Variants in STAU2 observed in about 807,000 individuals in gnomAD.
STAU2 encodes the protein double-stranded RNA-binding protein Staufen homolog 2.
STAU2 carries 20 observed loss-of-function variants against 65.9 expected under a neutral mutation model. The ratio of observed to expected loss-of-function variants is 0.30; its 90% CI spans 0.21 to 0.44. The LOEUF is 0.44. Among genes scored for constraint, STAU2 ranks in the 20% least tolerant of loss-of-function variants. STAU2 has a pLI of 1.00. For synonymous variants in STAU2, 232 were observed against 233.9 expected, an observed-to-expected ratio of 0.99 and a Z score of 0.07; for missense variants, 558 against 683.9, an observed-to-expected ratio of 0.82 and a Z score of 2.05.
intron 13 of STAU2, among the ~76,000 whole-genome samples, chr8:73,489,852 A>G (rs1821078010): frequency 6.6e-6 from 1 of 152,052 alleles, no homozygotes; most frequent in African/African-American, 2.4e-5. Flanking sequence ...ATGTACTCAC[A>G]TTAAGCAAGA....
rs117842505 is a variant in STAU2 at position 73,499,872 on chromosome 8, G to A, written c.1530+52140C>T. Among the ~76,000 whole-genome samples, 54 of 151,952 alleles carry A rather than the reference G, an allele frequency of 3.6e-4. No individual in the cohort carries two copies. In the East Asian group the frequency reaches 5.6e-3, roughly 16 times the overall value. On this transcript the variant is annotated intron_variant, in intron 13 of 14. Coordinates refer to ENST00000524300, the MANE Select transcript of STAU2 (RefSeq NM_001164380.2). ...TGCATATGGGCTCTAGACCACGGGA[G>A]TATGGAATAACTCTAATCAGAAGTG...
At chr8:73,657,521 C>T (rs533793088) in intron 6 of STAU2, among the ~76,000 whole-genome samples, 1 of 152,264 alleles carries the variant, frequency 6.6e-6, no homozygotes, top group East Asian at 1.9e-4. Context: ...TAACCTTCAA[C>T]AGTTATAGCA....
intron 13 of STAU2, among the ~76,000 whole-genome samples, chr8:73,442,340 C>T (rs1158950801): frequency 4.1e-4 from 51 of 125,680 alleles, no homozygotes; most frequent in African/African-American, 1.4e-3. Context: ...GGCGACAGAG[C>T]GAGACTCCGT....
chr8:73,684,312 A>G (rs1005729683), intron 5 of STAU2, among the ~76,000 whole-genome samples: 5 of 152,226 alleles, frequency 3.3e-5, no homozygotes, highest in African/African-American at 1.2e-4. Flanking sequence ...CCCAATACTT[A>G]GAGCAAACTG....
intron 13 of STAU2, among the ~76,000 whole-genome samples, chr8:73,453,047 A>G (rs1356856266): frequency 2.0e-5 from 3 of 152,186 alleles, no homozygotes; most frequent in African/African-American, 4.8e-5. Flanking sequence ...TGCATTTTGT[A>G]TTTGTGGCTA....
At chr8:73,543,014 A>C (rs1484688127) in intron 13 of STAU2, among the ~76,000 whole-genome samples, 1 of 152,214 alleles carries the variant, frequency 6.6e-6, no homozygotes, top group East Asian at 1.9e-4. Flanking sequence ...TAATGGCCCC[A>C]AAGTGAAAAC....
chr8:73,647,957 C>A (rs1815516023), intron 6 of STAU2, among the ~76,000 whole-genome samples: 1 of 152,210 alleles, frequency 6.6e-6, no homozygotes, highest in Admixed American at 6.5e-5. Context: ...ACAACACATA[C>A]ATTTACCAAT....
At chr8:73,526,286 G>A (rs1156695192) in intron 13 of STAU2, among the ~76,000 whole-genome samples, 1 of 152,076 alleles carries the variant, frequency 6.6e-6, no homozygotes, top group Non-Finnish European at 1.5e-5. Flanking sequence ...CTATACTATG[G>A]TCCATTCCTA....
intron 5 of STAU2, among the ~76,000 whole-genome samples, chr8:73,679,901 A>T (rs1353790619): frequency 2.0e-5 from 3 of 149,840 alleles, no homozygotes; most frequent in Non-Finnish European, 4.4e-5. Flanking sequence ...AAAAAAAACA[A>T]AACAAAAACA....
chr8:73,556,772 A>G (rs2128946508), intron 12 of STAU2, among the ~76,000 whole-genome samples: 1 of 152,282 alleles, frequency 6.6e-6, no homozygotes, highest in African/African-American at 2.4e-5. Context: ...AGTTATCAAC[A>G]GTAACAGAAA....
At chr8:73,437,211 A>C (rs1585750079) in intron 13 of STAU2, among the ~76,000 whole-genome samples, 1 of 152,258 alleles carries the variant, frequency 6.6e-6, no homozygotes, top group South Asian at 2.1e-4. Context: ...ATGTTACTTT[A>C]CCTGGCAAGG....
At chr8:73,588,322 A>C (rs1238056695) in intron 11 of STAU2, among the ~76,000 whole-genome samples, 3 of 152,226 alleles carry the variant, frequency 2.0e-5, no homozygotes, top group Non-Finnish European at 1.5e-5. Context: ...AGTAAGAAGA[A>C]AGTAGATGAA....
Position 73,738,483 on chromosome 8 carries a change from T to C in STAU2, c.-83-134A>G, listed in dbSNP as rs192216070. The C allele has an allele frequency of 1.4e-5, 9 of 660,868 alleles. No individual in the cohort carries two copies. In the East Asian group the frequency reaches 1.5e-4, roughly 11 times the overall value. 40.9% of individuals were successfully genotyped at this position (660,868 alleles called of 1,614,324 possible). A position where few individuals can be genotyped will look rare whatever the true frequency, so the allele number is the denominator to read the frequency against. On this transcript the variant is annotated intron_variant, in intron 2 of 14. Transcript: ENST00000524300. ...CAGATCTCCATAGAACTTTCTATGA[T>C]GATAAAAATGTTCTGTACTTGCACT... is the stretch of plus-strand genomic sequence containing the variant.
At chr8:73,434,065 C>T (rs1426697839) in intron 13 of STAU2, among the ~76,000 whole-genome samples, 2 of 151,826 alleles carry the variant, frequency 1.3e-5, no homozygotes, top group Admixed American at 6.5e-5. Context: ...TGGGTTCTCC[C>T]GGGGTCCACT....
intron 1 of STAU2, among the ~76,000 whole-genome samples, chr8:73,741,459 C>T (rs1025379318): frequency 5.9e-5 from 9 of 152,022 alleles, no homozygotes; most frequent in African/African-American, 1.9e-4. Context: ...TGGCTGATTC[C>T]AAGAAGCAAG....
intron 11 of STAU2, among the ~76,000 whole-genome samples, chr8:73,584,901 G>T (rs1376970164): frequency 6.6e-6 from 1 of 152,062 alleles, no homozygotes. Flanking sequence ...ATGAAAACCT[G>T]GTGAACAGAA....
chr8:73,516,425 G>C (rs546948564), intron 13 of STAU2, among the ~76,000 whole-genome samples: 3 of 151,946 alleles, frequency 2.0e-5, no homozygotes, highest in African/African-American at 7.2e-5. Flanking sequence ...TAGAATATTT[G>C]GGGGTTTAAA....
intron 13 of STAU2, among the ~76,000 whole-genome samples, chr8:73,515,564 A>C (rs766146217): frequency 6.6e-6 from 1 of 152,184 alleles, no homozygotes; most frequent in Non-Finnish European, 1.5e-5. Context: ...AGAGTACAAA[A>C]GTACCATAGG....
At chr8:73,548,091 G>C (rs1807064501) in intron 13 of STAU2, among the ~76,000 whole-genome samples, 1 of 151,956 alleles carries the variant, frequency 6.6e-6, no homozygotes. Flanking sequence ...TGGTATCTTT[G>C]GGGGTCCTAG....
Sources: allele counts gnomAD v4.1 joint callset (sites outside exome capture counted in the v4.1 genomes callset), GRCh38; gene constraint gnomAD v4.1.1; transcripts MANE v1.5; gene names NCBI Gene and HGNC (gene_info 2026-07-23, HGNC 2026-07-21).